The following SPRR2G variants were observed in gnomAD, a reference collection of about 807,000 sequenced individuals.
SPRR2G encodes small proline-rich protein 2G.
SPRR2G carries 1 observed loss-of-function variant against 0.7 expected under a neutral mutation model. The observed-to-expected ratio is 1.49, with a 90% CI of 0.53 to 7.06. SPRR2G has a LOEUF of 7.06. Ranked by LOEUF, SPRR2G falls within the 30% of genes most tolerant of loss-of-function variation. SPRR2G has a pLI of 0.14. For missense variants in SPRR2G, 96 were observed against 88.5 expected (o/e 1.09, Z -0.34); for synonymous variants, 38 against 33.9 (o/e 1.12, Z -0.42).
the SPRR2G span, among the ~76,000 whole-genome samples, chr1:153,196,511 G>C: frequency 6.6e-6 from 1 of 152,312 alleles, no homozygotes; most frequent in Admixed American, 6.5e-5. Context: ...ATTAGATAAA[G>C]CTGCTTATTC....
chr1:153,164,409 A>C, the SPRR2G span, among the ~76,000 whole-genome samples: 1 of 152,180 alleles, frequency 6.6e-6, no homozygotes, highest in Admixed American at 6.5e-5. Flanking sequence ...TCTCTAATCC[A>C]ATGCTGATGG....
the SPRR2G span, among the ~76,000 whole-genome samples, chr1:153,179,505 G>C: frequency 1.3e-5 from 2 of 151,974 alleles, no homozygotes; most frequent in African/African-American, 4.8e-5. Flanking sequence ...TTTGTGAAAT[G>C]GTTTCATTTT....
At chr1:153,186,812 G>A in the SPRR2G span, among the ~76,000 whole-genome samples, 1 of 151,912 alleles carries the variant, frequency 6.6e-6, no homozygotes, top group Non-Finnish European at 1.5e-5. Flanking sequence ...TTTATATTTT[G>A]GTATCTTTTT....
chr1:153,153,238 G>C (rs1656510205), upstream of SPRR2G, among the ~76,000 whole-genome samples: 1 of 151,886 alleles, frequency 6.6e-6, no homozygotes, highest in Non-Finnish European at 1.5e-5. Context: ...TATATTTTTT[G>C]CTTATTCAAA....
At chr1:153,178,330 A>T in the SPRR2G span, among the ~76,000 whole-genome samples, 1 of 152,062 alleles carries the variant, frequency 6.6e-6, no homozygotes. Context: ...TTCTTACCTT[A>T]TTGCACTGGC....
upstream of SPRR2G, among the ~76,000 whole-genome samples, chr1:153,154,280 T>C (rs1265988109): frequency 1.3e-5 from 2 of 152,118 alleles, no homozygotes. Context: ...TTGAATCTTT[T>C]TGCTTCTATA....
the SPRR2G span, among the ~76,000 whole-genome samples, chr1:153,164,753 G>A: frequency 0.48 from 72,845 of 152,026 alleles, 18,573 homozygotes; most frequent in East Asian, 0.64. Flanking sequence ...TTCAAGTTTC[G>A]CTTTTTGCAA....
chr1:153,199,304 GA>G, the SPRR2G span, among the ~76,000 whole-genome samples: 4 of 152,188 alleles, frequency 2.6e-5, no homozygotes, highest in Non-Finnish European at 5.9e-5. Context: ...AGCTGTAGGA[GA>G]GCTTGCCAAT....
the SPRR2G span, among the ~76,000 whole-genome samples, chr1:153,187,515 T>C: frequency 6.6e-6 from 1 of 152,066 alleles, no homozygotes; most frequent in East Asian, 1.9e-4. Flanking sequence ...TGTGTATGCT[T>C]CACAAAGTTC....
the SPRR2G span, chr1:153,190,893 CCA>C: frequency 3.3e-5 from 5 of 151,886 alleles, no homozygotes; most frequent in Non-Finnish European, 7.4e-5. Flanking sequence ...TCTCTGCTTC[CCA>C]ATCAAACATA....
the SPRR2G span, among the ~76,000 whole-genome samples, chr1:153,192,409 G>A: frequency 1.3e-5 from 2 of 152,070 alleles, no homozygotes; most frequent in African/African-American, 4.8e-5. Flanking sequence ...TTATTTCCAT[G>A]GAGGCAAAAC....
chr1:153,203,140 C>T, the SPRR2G span, among the ~76,000 whole-genome samples: 1 of 152,100 alleles, frequency 6.6e-6, no homozygotes, highest in Non-Finnish European at 1.5e-5. Flanking sequence ...GGAAGAGGAG[C>T]TGGAGACCAT....
chr1:153,171,839 T>A, the SPRR2G span, among the ~76,000 whole-genome samples: 42 of 152,138 alleles, frequency 2.8e-4, no homozygotes, highest in African/African-American at 9.9e-4. Context: ...AATTAGTGGA[T>A]GTCTAACATT....
chr1:153,158,745 T>C, the SPRR2G span, among the ~76,000 whole-genome samples: 1 of 152,206 alleles, frequency 6.6e-6, no homozygotes, highest in East Asian at 1.9e-4. Flanking sequence ...GACTTCTGCC[T>C]GGACACTCAG....
the SPRR2G span, among the ~76,000 whole-genome samples, chr1:153,165,258 A>G: frequency 1.3e-5 from 2 of 152,170 alleles, no homozygotes; most frequent in East Asian, 1.9e-4. Context: ...CTAAATATTG[A>G]TAGATATTGA....
At chr1:153,195,338 A>ATCCTCCCGGCTCC in the SPRR2G span, among the ~76,000 whole-genome samples, 2 of 152,208 alleles carry the variant, frequency 1.3e-5, no homozygotes, top group African/African-American at 4.8e-5. Flanking sequence ...CATCAAGGGT[A>ATCCTCCCGGCTCC]TCCTCCCGGC....
Position 153,149,675 on chromosome 1 carries a change from C to G in SPRR2G, c.*214G>C, listed in dbSNP as rs564207886. On this transcript the variant is annotated 3_prime_UTR_variant, in exon 2 of 2. Coordinates refer to ENST00000368748, the MANE Select transcript of SPRR2G (RefSeq NM_001014291.4). ...TAGGAACCACCATCTACATCACAGA[C>G]AGCAAAGCGAGATTAGGCAGTGATC... The G allele has an allele frequency of 1.2e-5, 8 of 640,722 alleles. No individual in the cohort carries two copies. Among genetic ancestry groups the G allele is most frequent in the African/African-American group, 1.1e-4 (6 of 54,866 alleles). The allele number at this position is 640,722 out of a possible 1,614,324, so 39.7% of individuals were successfully genotyped here.
At chr1:153,181,808 T>C in the SPRR2G span, among the ~76,000 whole-genome samples, 2 of 151,892 alleles carry the variant, frequency 1.3e-5, no homozygotes, top group African/African-American at 4.8e-5. Flanking sequence ...AATATTTTCT[T>C]TGTGCATTCA....
chr1:153,176,012 A>C, the SPRR2G span: 8 of 152,214 alleles, frequency 5.3e-5, no homozygotes, highest in African/African-American at 9.7e-5. Context: ...AGCCGAGATC[A>C]TGCCACTGCA....
Sources: allele counts gnomAD v4.1 joint callset (sites outside exome capture counted in the v4.1 genomes callset), GRCh38; gene constraint gnomAD v4.1.1; transcripts MANE v1.5; gene names NCBI Gene and HGNC (gene_info 2026-07-23, HGNC 2026-07-21).